TRPC5: variants seen among roughly 807,000 people sequenced by gnomAD.
TRPC5 encodes short transient receptor potential channel 5.
Under a neutral mutation model 56.5 loss-of-function variants are expected in TRPC5, and 9 were observed. The observed-to-expected ratio is 0.16, with a 90% CI of 0.10 to 0.28. The LOEUF is 0.28. Among genes scored for constraint, TRPC5 ranks in the 10% least tolerant of loss-of-function variants. TRPC5 has a pLI of 1.00. For missense variants in TRPC5, 469 were observed against 748.9 expected, an observed-to-expected ratio of 0.63 and a Z score of 4.36; for synonymous variants, 282 against 278.5, an observed-to-expected ratio of 1.01 and a Z score of -0.13.
chrX:112,055,912 A>G (rs1024818041), intron 1 of TRPC5, among the ~76,000 whole-genome samples: 5 of 110,361 alleles, frequency 4.5e-5, no homozygotes, highest in Non-Finnish European at 1.9e-5. Flanking sequence ...CCACACATTG[A>G]AAGGGCTTTT....
intron 1 of TRPC5, among the ~76,000 whole-genome samples, chrX:112,046,137 GA>G (rs1318725082): frequency 9.2e-6 from 1 of 108,535 alleles, no homozygotes; most frequent in African/African-American, 3.4e-5. Flanking sequence ...CTCTAGGGGG[GA>G]AAGAAAACTA....
intron 1 of TRPC5, among the ~76,000 whole-genome samples, chrX:112,079,005 C>T (rs1003559552): frequency 1.8e-5 from 2 of 112,001 alleles, no homozygotes; most frequent in Admixed American, 9.5e-5. Context: ...TAGAATGAGG[C>T]TTTATTTCTG....
At chrX:111,881,536 C>T (rs900049931) in intron 3 of TRPC5, among the ~76,000 whole-genome samples, 2 of 111,465 alleles carry the variant, frequency 1.8e-5, no homozygotes, top group African/African-American at 3.3e-5. Flanking sequence ...GAAGAAGTTG[C>T]ACAGACCATT....
At chrX:111,996,173 G>T (rs1403981190) in intron 1 of TRPC5, among the ~76,000 whole-genome samples, 1 of 111,778 alleles carries the variant, frequency 8.9e-6, no homozygotes, top group Non-Finnish European at 1.9e-5. Context: ...CAGAGATTCT[G>T]GTACATTGTG....
rs1490805212 is a variant in TRPC5, at chrX:111,776,307, C to CT, written c.*5dup. 1.7e-6 allele frequency: 2 copies of CT among 1,158,921 alleles called. No homozygotes were observed. Among genetic ancestry groups the CT allele is most frequent in the East Asian group, 6.0e-5 (2 of 33,450 alleles). Reference sequence around the variant, plus strand: ...TGAGTTCCAGAACAGATGATTAGGGCTTGACTTAGAGGCGAGTTGTAACTT... The same window carrying CT: ...TGAGTTCCAGAACAGATGATTAGGGCTTTGACTTAGAGGCGAGTTGTAACTT... On this transcript the variant is annotated 3_prime_UTR_variant, in exon 11 of 11. Coordinates refer to ENST00000262839, the MANE Select transcript of TRPC5 (RefSeq NM_012471.3).
intron 1 of TRPC5, among the ~76,000 whole-genome samples, chrX:112,061,194 AGATCCATTTT>A (rs1930451280): frequency 8.9e-6 from 1 of 112,262 alleles, no homozygotes; most frequent in Non-Finnish European, 1.9e-5. Context: ...TGTATGGCCA[AGATCCATTTT>A]GATCAAATCT....
intron 2 of TRPC5, among the ~76,000 whole-genome samples, chrX:111,940,689 TAAA>T (rs781266805): frequency 1.0e-4 from 7 of 70,301 alleles, no homozygotes; most frequent in African/African-American, 5.5e-5. Context: ...GGACTACGTC[TAAA>T]AAAAAAAAAA....
At chrX:111,978,882 A>G (rs774974847) in intron 1 of TRPC5, among the ~76,000 whole-genome samples, 1 of 111,446 alleles carries the variant, frequency 9.0e-6, no homozygotes, top group Non-Finnish European at 1.9e-5. Context: ...TTATATGTCA[A>G]TTATATCTTA....
At chrX:112,009,937 T>C (rs965176517) in intron 1 of TRPC5, among the ~76,000 whole-genome samples, 10 of 111,319 alleles carry the variant, frequency 9.0e-5, no homozygotes, top group African/African-American at 3.3e-4. Context: ...ATGGCACATG[T>C]ATACATATGT....
intron 7 of TRPC5, among the ~76,000 whole-genome samples, chrX:111,822,103 G>A (rs3027744): frequency 0.23 from 25,658 of 110,887 alleles, 6,414 homozygotes; most frequent in African/African-American, 0.75. Flanking sequence ...CTTTGACTTG[G>A]GGACTATTAC....
At chrX:111,914,099 G>T (rs891201705) in intron 2 of TRPC5, among the ~76,000 whole-genome samples, 5 of 111,308 alleles carry the variant, frequency 4.5e-5, no homozygotes, top group African/African-American at 1.6e-4. Flanking sequence ...GGCTGGAATA[G>T]TCAACAGAGG....
rs1945902380 is a variant in TRPC5, at chrX:111,779,311, G to A, written c.2143-237C>T. Among the ~76,000 whole-genome samples, 4 of 111,642 alleles carry A rather than the reference G, an allele frequency of 3.6e-5. No individual in the cohort carries two copies. In the South Asian group the frequency reaches 1.5e-3, roughly 42 times the overall value. Reference sequence around the variant, plus strand: ...AGGAAAATTTTTTACCCAAGCATAAGGTAAACATGTATTTCCAGTGGAATA... The same window carrying A: ...AGGAAAATTTTTTACCCAAGCATAAAGTAAACATGTATTTCCAGTGGAATA... On this transcript the variant is annotated intron_variant, in intron 9 of 10. Coordinates refer to ENST00000262839, the MANE Select transcript of TRPC5 (RefSeq NM_012471.3).
At chrX:111,837,785 C>T (rs1922607089) in intron 6 of TRPC5, among the ~76,000 whole-genome samples, 1 of 109,830 alleles carries the variant, frequency 9.1e-6, no homozygotes, top group African/African-American at 3.3e-5. Context: ...TTAAAATCTT[C>T]GCTCAGCCAG....
chrX:111,840,156 C>T (rs932066841), intron 6 of TRPC5, among the ~76,000 whole-genome samples: 3 of 112,059 alleles, frequency 2.7e-5, no homozygotes, highest in African/African-American at 6.5e-5. Flanking sequence ...GGTGACAGAG[C>T]GAGACTCCGT....
At position 111,772,399 on chromosome X, in the gene TRPC5, G is replaced by C. The variant is rs940513394; in HGVS notation, c.*3914C>G. 2.7e-5 allele frequency among the ~76,000 whole-genome samples: 3 copies of C among 111,656 alleles called. No individual in the cohort carries two copies. Among genetic ancestry groups the C allele is most frequent in the African/African-American group, 9.8e-5 (3 of 30,736 alleles). Reference sequence around the variant, plus strand: ...TATATGAGCAATCTTTTGAAAACTTGATTACCAAGAAAATATACTCAATTT... The same window carrying C: ...TATATGAGCAATCTTTTGAAAACTTCATTACCAAGAAAATATACTCAATTT... On this transcript the variant is annotated 3_prime_UTR_variant, in exon 11 of 11. Transcript: ENST00000262839.
rs1303111439 is a variant in TRPC5 at position 111,774,898 on chromosome X, T to A, written c.*1415A>T. ...CTCTAGGACTCAGACCTAGAGTTGT[T>A]TCAGGTCATATGTTAGAGTCTAAAC... On this transcript the variant is annotated 3_prime_UTR_variant, in exon 11 of 11. Coordinates refer to ENST00000262839, the MANE Select transcript of TRPC5 (RefSeq NM_012471.3). The A allele has an allele frequency of 9.0e-6, 1 of 110,755 alleles. No homozygotes were observed. The highest frequency in any genetic ancestry group is 1.9e-5 in the Non-Finnish European group (1 of 52,832). 9.1% of individuals were successfully genotyped at this position (110,755 alleles called of 1,213,427 possible).
chrX:111,925,385 A>G (rs899989257), intron 2 of TRPC5, among the ~76,000 whole-genome samples: 1 of 112,420 alleles, frequency 8.9e-6, no homozygotes, highest in Non-Finnish European at 1.9e-5. Flanking sequence ...TCTGGCTCCT[A>G]TAAGTAGACT....
At chrX:111,905,852 T>G (rs1256624185) in intron 3 of TRPC5, among the ~76,000 whole-genome samples, 1 of 103,417 alleles carries the variant, frequency 9.7e-6, no homozygotes, top group Admixed American at 1.0e-4. Context: ...GAGGCGGAGC[T>G]TGCAGTGAGC....
At chrX:111,997,563 T>C (rs192743580) in intron 1 of TRPC5, among the ~76,000 whole-genome samples, 1 of 111,516 alleles carries the variant, frequency 9.0e-6, no homozygotes, top group Non-Finnish European at 1.9e-5. Flanking sequence ...GAAGTTCTCC[T>C]GGATAATATC....
Sources: allele counts gnomAD v4.1 joint callset (sites outside exome capture counted in the v4.1 genomes callset), GRCh38; gene constraint gnomAD v4.1.1; transcripts MANE v1.5; gene names NCBI Gene and HGNC (gene_info 2026-07-23, HGNC 2026-07-21).